ZC3H14: variants seen among roughly 807,000 people sequenced by gnomAD.
The protein encoded by ZC3H14 is zinc finger CCCH-type containing 14, also known as zinc finger CCCH domain-containing protein 14.
In ZC3H14, 31 loss-of-function variants were observed where a neutral mutation model predicts 92.4. The observed-to-expected ratio is 0.34, with a 90% CI of 0.25 to 0.45. The LOEUF is 0.45. Among genes scored for constraint, ZC3H14 ranks in the 20% least tolerant of loss-of-function variants. The probability of loss-of-function intolerance (pLI) is 1.00; values close to 1 mark genes in which losing one functional copy is unlikely to be tolerated. For missense variants in ZC3H14, 781 were observed against 897.3 expected (o/e 0.87, Z 1.66); for synonymous variants, 321 against 300.9 (o/e 1.07, Z -0.69).
chr14:88,572,095 A>C lies in ZC3H14; in HGVS notation c.301A>C (p.Asn101His). 6.2e-7 allele frequency: 1 copy of C among 1,614,216 alleles called. No individual in the cohort carries two copies. The highest frequency in any genetic ancestry group is 8.5e-7 in the Non-Finnish European group (1 of 1,180,044). ...TAGTAACGTGCCTTCAAACAAGAGC[A>C]ATTTCAGTCGGGGAGATGAGAGGAG... is the stretch of plus-strand genomic sequence containing the variant. ...FDSNVPSNKS[N>H]FSRGDERRHE... Residue 101 changes from asparagine to histidine, a missense_variant, in exon 5 of 17, where the codon AAT (asparagine) becomes CAT (histidine). Transcript: ENST00000251038.
At chr14:88,606,003 G>T (rs1030877092) in intron 12 of ZC3H14, among the ~76,000 whole-genome samples, 3 of 152,196 alleles carry the variant, frequency 2.0e-5, no homozygotes, top group African/African-American at 7.2e-5. Flanking sequence ...CTGACCTCTG[G>T]CAAGAGGACT....
At chr14:88,588,480 T>G (rs975738065) in intron 9 of ZC3H14, among the ~76,000 whole-genome samples, 13 of 152,218 alleles carry the variant, frequency 8.5e-5, no homozygotes, top group Non-Finnish European at 2.9e-5. Context: ...TTTCATTATC[T>G]TGAGGCTTCA....
intron 8 of ZC3H14, among the ~76,000 whole-genome samples, chr14:88,577,439 G>GGTATGTGGTT (rs569594497): frequency 0.014 from 2,119 of 152,214 alleles, 29 homozygotes; most frequent in Middle Eastern, 0.037. Flanking sequence ...TTGTATTCAT[G>GGTATGTGGTT]GTATGTGGTT....
chr14:88,594,725 T>C, intron 9 of ZC3H14: 3 of 1,614,000 alleles, frequency 1.9e-6, no homozygotes, highest in Non-Finnish European at 2.5e-6. Context: ...CCTGTCACCT[T>C]TATGAGAATG....
At position 88,613,207 on chromosome 14, in the gene ZC3H14, AAGAC is replaced by A. The variant is rs2087082915; in HGVS notation, c.*1460_*1463del. On this transcript the variant is annotated 3_prime_UTR_variant, in exon 17 of 17. Transcript: ENST00000251038. ...AAGGCTTGAAACACGAGAAGCAGCA[AAGAC>A]AGAGCACACAAGTGCATAAGGCTGT... 1 of 152,194 alleles carries A rather than the reference AAGAC, an allele frequency of 6.6e-6. No homozygotes were observed. The highest frequency in any genetic ancestry group is 2.1e-4 in the South Asian group (1 of 4,832). The allele number at this position is 152,194 out of a possible 1,614,324, so 9.4% of individuals were successfully genotyped here.
intron 9 of ZC3H14, chr14:88,589,550 C>T (rs893234304): frequency 6.6e-6 from 1 of 152,202 alleles, no homozygotes; most frequent in Non-Finnish European, 1.5e-5. Flanking sequence ...TATATTTCTT[C>T]TTGGAGGTGT....
Position 88,620,702 on chromosome 14 carries a change from T to C in ZC3H14, c.*8951T>C, listed in dbSNP as rs2088735823. 3.6e-6 allele frequency: 5 copies of C among 1,393,322 alleles called. No homozygotes were observed. Among genetic ancestry groups the C allele is most frequent in the Admixed American group, 2.9e-5 (1 of 33,950 alleles). 86.3% of individuals were successfully genotyped at this position (1,393,322 alleles called of 1,614,324 possible). Reference sequence around the variant, plus strand: ...GCAAGGCTATGGAAAATTTTACAAATGGAAGTTAAATCAAGTATATACTAG... The same window carrying C: ...GCAAGGCTATGGAAAATTTTACAAACGGAAGTTAAATCAAGTATATACTAG... On this transcript the variant is annotated 3_prime_UTR_variant, in exon 17 of 17. Transcript: ENST00000251038. The surrounding 1 kb of genome is among the most constrained non-coding windows in gnomAD (Gnocchi z 4.3).
chr14:88,610,205 G>A (rs1313287590), intron 15 of ZC3H14, among the ~76,000 whole-genome samples: 5 of 152,152 alleles, frequency 3.3e-5, no homozygotes, highest in Non-Finnish European at 7.3e-5. Context: ...CAGATGTTTA[G>A]TTGGTCAAAA....
At position 88,625,091 on chromosome 14, in the gene ZC3H14, C is replaced by T. The variant is rs1244619803; in HGVS notation, c.*13340C>T. Reference sequence around the variant, plus strand: ...AATATGTGATCTTTCCACACACAGACATCACCACTGATGGTACCTGTAAAC... The same window carrying T: ...AATATGTGATCTTTCCACACACAGATATCACCACTGATGGTACCTGTAAAC... On this transcript the variant is annotated 3_prime_UTR_variant, in exon 17 of 17. Transcript: ENST00000251038. The T allele has an allele frequency of 3.1e-6, 5 of 1,613,834 alleles. No homozygotes were observed. The African/African-American group carries it at 6.7e-5, about 22-fold the overall frequency.
intron 7 of ZC3H14, among the ~76,000 whole-genome samples, chr14:88,575,201 G>C (rs554117471): frequency 1.1e-4 from 17 of 152,202 alleles, no homozygotes; most frequent in Admixed American, 5.2e-4. Flanking sequence ...GCTTCCCAAA[G>C]TGTTGGGATT....
intron 9 of ZC3H14, among the ~76,000 whole-genome samples, chr14:88,580,362 A>G (rs577722307): frequency 2.3e-4 from 35 of 152,306 alleles, no homozygotes; most frequent in African/African-American, 8.4e-4. Flanking sequence ...TCTTAATAAA[A>G]TAAAACATGC....
chr14:88,589,373 T>G (rs937412506), intron 9 of ZC3H14: 3 of 152,212 alleles, frequency 2.0e-5, no homozygotes, highest in African/African-American at 7.2e-5. Flanking sequence ...TTCTCTGCCT[T>G]ACATCCTTCT....
rs746338611 is a variant in ZC3H14 at position 88,615,098 on chromosome 14, T to C, written c.*3347T>C. 11 of 152,216 alleles carry C rather than the reference T, an allele frequency of 7.2e-5. No individual in the cohort carries two copies. Among genetic ancestry groups the C allele is most frequent in the African/African-American group, 2.2e-4 (9 of 41,460 alleles). The allele number at this position is 152,216 out of a possible 1,614,324, so 9.4% of individuals were successfully genotyped here. On this transcript the variant is annotated 3_prime_UTR_variant, in exon 17 of 17. Transcript: ENST00000251038. The stretch of plus-strand genomic sequence containing the variant: ...TTTTCCATTAGTGAGGCTACAGTTA[T>C]GTTTTAAATGTGCGATTACAGAGAT...
At chr14:88,576,164 T>G (rs1448989738) in intron 8 of ZC3H14, among the ~76,000 whole-genome samples, 1 of 152,214 alleles carries the variant, frequency 6.6e-6, no homozygotes, top group East Asian at 1.9e-4. Context: ...TATAATGCCT[T>G]TTATATCTTT....
At chr14:88,589,897 A>G (rs2082903964) in intron 9 of ZC3H14, 1 of 152,784 alleles carries the variant, frequency 6.5e-6, no homozygotes, top group Admixed American at 6.5e-5. Flanking sequence ...TGGGAGGCCG[A>G]GGCGGGTGGA....
rs537177075 is a variant in ZC3H14 at position 88,603,751 on chromosome 14, A to T, written c.1747+691A>T. ...TCATTGGCAGGAGGGATAATTACTC[A>T]ATCTTAAAAGCGTACAGATTCAAAG... On this transcript the variant is annotated intron_variant, in intron 12 of 16. Transcript: ENST00000251038. Among the ~76,000 whole-genome samples, 123 of 152,330 alleles carry T rather than the reference A, an allele frequency of 8.1e-4. No individual in the cohort carries two copies. The Middle Eastern group carries it at 0.017, about 21-fold the overall frequency.
In ZC3H14 at chr14:88,623,334, TA is replaced by T. The variant is rs1284686310; in HGVS notation, c.*11584del. ...GCCTGGCCTCATAATACTTCTTGAT[TA>T]GGAAGATGTAAAAAAACAATTTTAT... On this transcript the variant is annotated 3_prime_UTR_variant, in exon 17 of 17. Coordinates refer to ENST00000251038, the MANE Select transcript of ZC3H14 (RefSeq NM_024824.5). The T allele has an allele frequency of 2.0e-5, 3 of 151,526 alleles. No individual in the cohort carries two copies. Among genetic ancestry groups the T allele is most frequent in the African/African-American group, 7.3e-5 (3 of 41,230 alleles). 9.4% of individuals were successfully genotyped at this position (151,526 alleles called of 1,614,324 possible). A position where few individuals can be genotyped will look rare whatever the true frequency, so the allele number is the denominator to read the frequency against.
Position 88,611,992 on chromosome 14 carries a change from A to AAAT in ZC3H14, c.*242_*244dup. The AAAT allele has an allele frequency of 1.8e-6, 1 of 558,318 alleles. No individual in the cohort carries two copies. Among genetic ancestry groups the AAAT allele is most frequent in the Non-Finnish European group, 3.2e-6 (1 of 315,560 alleles). The allele number at this position is 558,318 out of a possible 1,614,324, so 34.6% of individuals were successfully genotyped here. The stretch of plus-strand genomic sequence containing the variant: ...TGAAAAGACAGCTTAAGGAAGAGCT[A>AAAT]AATTCTGTTAAAATATTTGGGGCAT... On this transcript the variant is annotated 3_prime_UTR_variant, in exon 17 of 17. Coordinates refer to ENST00000251038, the MANE Select transcript of ZC3H14 (RefSeq NM_024824.5).
At chr14:88,578,277 C>A in intron 9 of ZC3H14, 137 bp downstream of exon 9, 2 of 1,305,014 alleles carry the variant, frequency 1.5e-6, no homozygotes, top group East Asian at 2.5e-5. Context: ...AGAAGAATAC[C>A]ATGAGGAAGG....
Sources: gnomAD v4.1 joint callset for allele counts (sites outside exome capture counted in the v4.1 genomes callset) on GRCh38, gnomAD v4.1.1 for gene constraint, Gnocchi (gnomAD v3.1) non-coding constraint, MANE v1.5 for transcripts, NCBI Gene and HGNC (gene_info 2026-07-23, HGNC 2026-07-21) for gene names.